MTMR1: variants seen among roughly 807,000 people sequenced by gnomAD.
MTMR1 encodes phosphatidylinositol-3-phosphate phosphatase MTMR1.
A neutral mutation model predicts 51.6 loss-of-function variants in MTMR1; 17 were observed. The observed-to-expected ratio is 0.33, with a 90% confidence interval of 0.23 to 0.49. The LOEUF (loss-of-function observed/expected upper bound fraction) is 0.49. Among genes scored for constraint, MTMR1 ranks in the 20% least tolerant of loss-of-function variants. The pLI is 0.99. For missense variants in MTMR1, 386 were observed against 526.9 expected (o/e 0.73, Z 2.62); for synonymous variants, 201 against 205.6 (o/e 0.98, Z 0.19).
At chrX:150,742,710 G>A (rs924921198) in intron 12 of MTMR1, among the ~76,000 whole-genome samples, 2 of 107,607 alleles carry the variant, frequency 1.9e-5, no homozygotes, top group Admixed American at 1.0e-4. Context: ...CCAGCTACTC[G>A]GGAGGCTGAG....
intron 15 of MTMR1, among the ~76,000 whole-genome samples, chrX:150,757,728 T>A (rs2042944874): frequency 9.0e-6 from 1 of 111,445 alleles, no homozygotes; most frequent in African/African-American, 3.3e-5. Flanking sequence ...CTTCCCAGAG[T>A]CTTCCTTGGA....
At chrX:150,743,709 T>C (rs2042499465) in intron 12 of MTMR1, among the ~76,000 whole-genome samples, 1 of 112,549 alleles carries the variant, frequency 8.9e-6, no homozygotes, top group Admixed American at 9.4e-5. Context: ...TTGTGGCATT[T>C]TCAGTGTTTT....
At chrX:150,731,432 G>A (rs1557416986) in intron 8 of MTMR1, 38 bp from the exon 9 acceptor site, 2 of 1,119,384 alleles carry the variant, frequency 1.8e-6, no homozygotes, top group Non-Finnish European at 1.2e-6. Flanking sequence ...GTAAAGTCAT[G>A]CATTTCACCC....
intron 12 of MTMR1, among the ~76,000 whole-genome samples, chrX:150,743,787 CA>C (rs1170259625): frequency 6.2e-5 from 7 of 112,250 alleles, no homozygotes; most frequent in Non-Finnish European, 1.3e-4. Context: ...TGATATCTTA[CA>C]AAGTATCAAA....
At position 150,762,764 on chromosome X, in the gene MTMR1, G is replaced by A. The variant is rs782543599; in HGVS notation, c.*35G>A. 52 of 1,134,784 alleles carry A rather than the reference G, an allele frequency of 4.6e-5. No homozygotes were observed. In the East Asian group the frequency reaches 6.8e-4, roughly 15 times the overall value. The allele number at this position is 1,134,784 out of a possible 1,213,427, so 93.5% of individuals were successfully genotyped here. The stretch of plus-strand genomic sequence containing the variant: ...TCAGCCTGCTGCTCCACTGTCTCCC[G>A]GTGGCTCAGGAAAGGGACCTGGCGA... On this transcript the variant is annotated 3_prime_UTR_variant, in exon 16 of 16. Transcript: ENST00000445323.
chrX:150,724,226 C>T (rs1557416679), intron 4 of MTMR1, among the ~76,000 whole-genome samples: 1 of 111,128 alleles, frequency 9.0e-6, no homozygotes, highest in African/African-American at 3.3e-5. Flanking sequence ...CTTTTCTCTG[C>T]AACCTCATCA....
Position 150,762,556 on chromosome X carries a change from T to C in MTMR1, c.1858-9T>C. On this transcript the variant is annotated splice_polypyrimidine_tract_variant and intron_variant, in intron 15 of 15. Coordinates refer to ENST00000445323, the MANE Select transcript of MTMR1 (RefSeq NM_001306144.3). ...CCTGATAATGCAGCTTTGTCTCTGC[T>C]CCCTCCAGATGCCCATTCACCAGAA... The C allele has an allele frequency of 8.3e-7, 1 of 1,211,662 alleles. No homozygotes were observed. Among genetic ancestry groups the C allele is most frequent in the Non-Finnish European group, 1.1e-6 (1 of 895,327 alleles).
At chrX:150,699,580 A>G (rs1431249239) in intron 2 of MTMR1, among the ~76,000 whole-genome samples, 1 of 112,596 alleles carries the variant, frequency 8.9e-6, no homozygotes, top group African/African-American at 3.2e-5. Flanking sequence ...ATAAATGCAT[A>G]TAGCTTCTTT....
At chrX:150,747,119 G>A (rs2042594504) in intron 13 of MTMR1, among the ~76,000 whole-genome samples, 1 of 111,020 alleles carries the variant, frequency 9.0e-6, no homozygotes, top group African/African-American at 3.3e-5. Context: ...CCTCTGGGTA[G>A]GTTTAATAGT....
intron 3 of MTMR1, among the ~76,000 whole-genome samples, chrX:150,718,032 C>T (rs1003100898): frequency 6.2e-5 from 7 of 112,840 alleles, no homozygotes; most frequent in Non-Finnish European, 1.1e-4. Flanking sequence ...CCTGGTCATA[C>T]GCTTTGTGCA....
chrX:150,750,776 T>C lies in MTMR1; in HGVS notation c.1613T>C (p.Leu538Ser), dbSNP rs781992987. ...EFNELFLITI[L>S]DHLYSCLFGT... ...AATGAGCTATTCTTGATTACAATTT[T>C]GGATCACCTTTATAGCTGTCTTTTT... is the stretch of plus-strand genomic sequence containing the variant. The change falls in exon 14 of 16, where the codon TTG becomes TCG. Residue 538 changes from leucine (L) to serine (S), a missense_variant. Physicochemically the swap from Leu to Ser is moderately radical, Grantham distance 145. Transcript: ENST00000445323. The C allele has an allele frequency of 2.5e-6, 3 of 1,208,954 alleles. No homozygotes were observed. Among genetic ancestry groups the C allele is most frequent in the Non-Finnish European group, 3.4e-6 (3 of 893,363 alleles).
At chrX:150,757,268 T>C (rs1557417791) in intron 15 of MTMR1, among the ~76,000 whole-genome samples, 1 of 112,334 alleles carries the variant, frequency 8.9e-6, no homozygotes, top group African/African-American at 3.2e-5. Context: ...TGGCCTTAGC[T>C]CCATGCTCCA....
intron 14 of MTMR1, 25 bp from the exon 15 acceptor site, chrX:150,755,664 T>C: frequency 1.2e-5 from 13 of 1,106,095 alleles, no homozygotes; most frequent in Non-Finnish European, 1.6e-5. Flanking sequence ...AAAGTTTATT[T>C]CCAATGTTCT....
rs781929846 is a variant in MTMR1, at chrX:150,694,300, T to C, written c.146+624T>C. Among the ~76,000 whole-genome samples, 224 of 112,188 alleles carry C rather than the reference T, an allele frequency of 2.0e-3. 1 individual carries two copies. Among genetic ancestry groups the C allele is most frequent in the Non-Finnish European group, 1.1e-3 (57 of 53,219 alleles). On this transcript the variant is annotated intron_variant, in intron 1 of 15. Coordinates refer to ENST00000445323, the MANE Select transcript of MTMR1 (RefSeq NM_001306144.3). The stretch of plus-strand genomic sequence containing the variant: ...TGAGGGAACCAGTTTATTGTTTTCA[T>C]GAACACACAAGCAAGCCTACTGCTT...
At chrX:150,752,124 G>A (rs1361589424) in intron 14 of MTMR1, among the ~76,000 whole-genome samples, 1 of 109,667 alleles carries the variant, frequency 9.1e-6, no homozygotes, top group African/African-American at 3.3e-5. Context: ...CGCCATGTTG[G>A]GCAGGCTGGT....
chrX:150,735,363 T>G (rs1354052558), intron 10 of MTMR1: 10 of 435,647 alleles, frequency 2.3e-5, no homozygotes, highest in Non-Finnish European at 4.0e-5. Flanking sequence ...CTTCATATAC[T>G]CTTGGATTGG....
chrX:150,742,733 T>C (rs1157887493), intron 12 of MTMR1, among the ~76,000 whole-genome samples: 1 of 101,460 alleles, frequency 9.9e-6, no homozygotes, highest in Non-Finnish European at 2.0e-5. Flanking sequence ...AGGAGAATGG[T>C]GTGAACCTGG....
chrX:150,719,281 G>A (rs1557416513), intron 4 of MTMR1, among the ~76,000 whole-genome samples: 1 of 111,400 alleles, frequency 9.0e-6, no homozygotes, highest in African/African-American at 3.3e-5. Flanking sequence ...TCATCACTTG[G>A]TTGGGTTGGA....
intron 4 of MTMR1, among the ~76,000 whole-genome samples, chrX:150,725,485 G>A (rs909731122): frequency 9.0e-6 from 1 of 111,476 alleles, no homozygotes; most frequent in African/African-American, 3.3e-5. Flanking sequence ...AGACTATGGG[G>A]TTTTTACTTT....
Sources: allele counts gnomAD v4.1 joint callset (sites outside exome capture counted in the v4.1 genomes callset), GRCh38; gene constraint gnomAD v4.1.1; transcripts MANE v1.5; gene names NCBI Gene and HGNC (gene_info 2026-07-23, HGNC 2026-07-21).